PPP1R12B: variants seen among roughly 807,000 people sequenced by gnomAD.
PPP1R12B encodes the protein myosin phosphatase target subunit 2.
In PPP1R12B, 76 loss-of-function variants were observed where a neutral mutation model predicts 126.1. The ratio of observed to expected loss-of-function variants is 0.60; its 90% confidence interval spans 0.50 to 0.73. PPP1R12B has a LOEUF of 0.73. Among genes scored for constraint, PPP1R12B ranks in the 30% least tolerant of loss-of-function variants. The pLI, the probability that PPP1R12B is intolerant of heterozygous loss-of-function variation, is 0.00. For synonymous variants in PPP1R12B, 356 were observed against 434.7 expected (o/e 0.82, Z 2.25); for missense variants, 1,052 against 1,205.1 (o/e 0.87, Z 1.88).
In PPP1R12B at chr1:202,588,872, T is replaced by TAGATGATAGATA. The variant is rs111697917; in HGVS notation, c.*8313_*8314insGATGATAGATAA. 1.6e-4 allele frequency: 23 copies of TAGATGATAGATA among 147,078 alleles called. No homozygotes were observed. Among genetic ancestry groups the TAGATGATAGATA allele is most frequent in the African/African-American group, 5.3e-4 (20 of 37,920 alleles). The allele number at this position is 147,078 out of a possible 1,614,324, so 9.1% of individuals were successfully genotyped here. ...ATAGATAGATAGATAGATAGATAGATATCAAGGTTCCAAGCTTCAAGTAAC... is the reference window on the plus strand; with the variant it reads ...ATAGATAGATAGATAGATAGATAGATAGATGATAGATAATCAAGGTTCCAAGCTTCAAGTAAC... On this transcript the variant is annotated 3_prime_UTR_variant, in exon 24 of 24. Coordinates refer to ENST00000608999, the MANE Select transcript of PPP1R12B (RefSeq NM_002481.4).
At position 202,562,867 on chromosome 1, in the gene PPP1R12B, G is replaced by T. The variant is rs377041703; in HGVS notation, c.2597G>T (p.Arg866Leu). ...GCCCGTCGGGAGGCCCGGGAGGCCC[G>T]CCTAGCCACCCTGACCAGCCGTGTA... is the stretch of plus-strand genomic sequence containing the variant. ...ARARREAREA[R>L]LATLTSRVEE... Residue 866 changes from arginine (R) to leucine (L), a missense_variant, in exon 20 of 24, where the codon CGC becomes CTC. Arg to Leu is a moderately radical substitution (Grantham distance 102). Coordinates refer to ENST00000608999, the MANE Select transcript of PPP1R12B (RefSeq NM_002481.4). 6.2e-7 allele frequency: 1 copy of T among 1,612,372 alleles called. No homozygotes were observed. The highest frequency in any genetic ancestry group is 1.1e-5 in the South Asian group (1 of 90,784).
intron 13 of PPP1R12B, among the ~76,000 whole-genome samples, chr1:202,453,526 T>G (rs532904760): frequency 1.3e-5 from 2 of 152,074 alleles, no homozygotes; most frequent in South Asian, 4.2e-4. Flanking sequence ...GTATTAATTC[T>G]TCTTTAGGTG....
intron 13 of PPP1R12B, among the ~76,000 whole-genome samples, chr1:202,474,392 C>T (rs1374746817): frequency 2.0e-5 from 3 of 151,826 alleles, no homozygotes; most frequent in African/African-American, 7.3e-5. Context: ...AAGTGATTCT[C>T]GTGCCTCAGC....
At chr1:202,431,451 T>A in intron 7 of PPP1R12B, 29 bp from the exon 8 acceptor site, 1 of 1,559,324 alleles carries the variant, frequency 6.4e-7, no homozygotes, top group Non-Finnish European at 8.6e-7. Flanking sequence ...CATTTCTGAA[T>A]TATACTCAAG....
At chr1:202,543,163 A>C (rs1410531697) in intron 18 of PPP1R12B, among the ~76,000 whole-genome samples, 1 of 152,098 alleles carries the variant, frequency 6.6e-6, no homozygotes, top group Non-Finnish European at 1.5e-5. Flanking sequence ...GCAAACTATA[A>C]ACTGTAAGTC....
intron 2 of PPP1R12B, among the ~76,000 whole-genome samples, chr1:202,417,578 A>G (rs1668245300): frequency 6.6e-6 from 1 of 152,208 alleles, no homozygotes; most frequent in African/African-American, 2.4e-5. Context: ...TGAAGGAATG[A>G]TTGGGGAGTT....
chr1:202,565,400 G>A lies in PPP1R12B; in HGVS notation c.2757+853G>A, dbSNP rs190427979. Among the ~76,000 whole-genome samples, 1 of 152,332 alleles carries A rather than the reference G, an allele frequency of 6.6e-6. No individual in the cohort carries two copies. Among genetic ancestry groups the A allele is most frequent in the African/African-American group, 2.4e-5 (1 of 41,572 alleles). On this transcript the variant is annotated intron_variant, in intron 21 of 23. Transcript: ENST00000608999. The surrounding 1 kb of genome is among the most constrained non-coding windows in gnomAD (Gnocchi z 4.3). ...TTGAAATGAAAACCAGAGGTGGCTAGTCATTCTGGCAATATGACTGGCTAT... is the reference window on the plus strand; with the variant it reads ...TTGAAATGAAAACCAGAGGTGGCTAATCATTCTGGCAATATGACTGGCTAT...
At chr1:202,434,869 T>C in intron 9 of PPP1R12B, 101 bp downstream of exon 9, 1 of 1,518,076 alleles carries the variant, frequency 6.6e-7, no homozygotes, top group Non-Finnish European at 8.8e-7. Flanking sequence ...ATAATAAAAA[T>C]ACATTTTTCC....
At chr1:202,383,730 A>G (rs1558158162) in intron 1 of PPP1R12B, among the ~76,000 whole-genome samples, 2 of 152,192 alleles carry the variant, frequency 1.3e-5, no homozygotes, top group South Asian at 4.1e-4. Context: ...TCTCAAAAAA[A>G]AAGAAAAAGA....
In PPP1R12B at chr1:202,431,544, G is replaced by A; in HGVS notation, c.1066G>A (p.Glu356Lys). 1 of 1,613,624 alleles carries A rather than the reference G, an allele frequency of 6.2e-7. No homozygotes were observed. The highest frequency in any genetic ancestry group is 8.5e-7 in the Non-Finnish European group (1 of 1,179,804). ...KSQEMEEENK[E>K]SSSSSSEEEE... is the part of the protein sequence containing the mutation. ...CCAAGAAATGGAGGAAGAAAATAAA[G>A]AATCTAGTAGCTCCAGCTCAGAGGA... Residue 356 changes from glutamate to lysine, a missense_variant, in exon 8 of 24, where the codon GAA becomes AAA. Glu to Lys is a moderately conservative substitution (Grantham distance 56). Coordinates refer to ENST00000608999, the MANE Select transcript of PPP1R12B (RefSeq NM_002481.4).
At chr1:202,390,775 A>C (rs776132540) in intron 1 of PPP1R12B, among the ~76,000 whole-genome samples, 1 of 151,896 alleles carries the variant, frequency 6.6e-6, no homozygotes, top group Non-Finnish European at 1.5e-5. Flanking sequence ...GATTATGGGC[A>C]TGAGCCACCA....
At chr1:202,387,935 G>A (rs904245999) in intron 1 of PPP1R12B, among the ~76,000 whole-genome samples, 2 of 152,038 alleles carry the variant, frequency 1.3e-5, no homozygotes, top group African/African-American at 2.4e-5. Flanking sequence ...TTAACACATA[G>A]TTATGGGATA....
intron 13 of PPP1R12B, among the ~76,000 whole-genome samples, chr1:202,457,389 A>C (rs1460381125): frequency 6.6e-6 from 1 of 151,852 alleles, no homozygotes; most frequent in Non-Finnish European, 1.5e-5. Context: ...ATCTCTACTA[A>C]AAAAATACAA....
intron 1 of PPP1R12B, among the ~76,000 whole-genome samples, chr1:202,365,606 A>C (rs1659080333): frequency 6.6e-6 from 1 of 152,190 alleles, no homozygotes; most frequent in Non-Finnish European, 1.5e-5. Context: ...CCTAGGGATC[A>C]CACGTCATGC....
At chr1:202,462,377 G>A (rs1374874029) in intron 13 of PPP1R12B, among the ~76,000 whole-genome samples, 10 of 152,180 alleles carry the variant, frequency 6.6e-5, no homozygotes, top group Middle Eastern at 3.4e-3. Flanking sequence ...CCAGAGATAA[G>A]GGCATTTGTC....
At chr1:202,409,884 C>A (rs1037602664) in intron 1 of PPP1R12B, among the ~76,000 whole-genome samples, 1 of 152,116 alleles carries the variant, frequency 6.6e-6, no homozygotes, top group African/African-American at 2.4e-5. Context: ...TTTTCATTTC[C>A]CTAATGATTA....
chr1:202,449,469 G>T (rs1672664422), intron 13 of PPP1R12B, among the ~76,000 whole-genome samples: 1 of 151,536 alleles, frequency 6.6e-6, no homozygotes, highest in Admixed American at 6.6e-5. Flanking sequence ...GTAGAGACGG[G>T]GTTTCACCAT....
At chr1:202,429,779 G>GCC (rs1669976906) in intron 6 of PPP1R12B, among the ~76,000 whole-genome samples, 3 of 152,126 alleles carry the variant, frequency 2.0e-5, no homozygotes, top group African/African-American at 7.2e-5. Context: ...TAAAGTTTAG[G>GCC]ACAAATGTGG....
chr1:202,353,904 T>G (rs866725780), intron 1 of PPP1R12B, among the ~76,000 whole-genome samples: 1 of 152,078 alleles, frequency 6.6e-6, no homozygotes, highest in Non-Finnish European at 1.5e-5. Context: ...GGAGCCACTA[T>G]GCCTGGCCTC....
Sources: gnomAD v4.1 joint callset for allele counts (sites outside exome capture counted in the v4.1 genomes callset) on GRCh38, gnomAD v4.1.1 for gene constraint, Gnocchi (gnomAD v3.1) non-coding constraint, MANE v1.5 for transcripts, NCBI Gene and HGNC (gene_info 2026-07-23, HGNC 2026-07-21) for gene names.